Variants in LRCH2 observed in about 807,000 individuals in gnomAD.
LRCH2 encodes the protein leucine-rich repeat and calponin homology domain-containing protein 2.
LRCH2 carries 38 observed loss-of-function variants against 68.9 expected under a neutral mutation model. The ratio of observed to expected loss-of-function variants is 0.55; its 90% CI spans 0.43 to 0.72. The LOEUF is 0.72. Ranked by LOEUF, LRCH2 falls within the 30% of genes least tolerant of loss-of-function variation. The pLI, the probability that LRCH2 is intolerant of heterozygous loss-of-function variation, is 0.00. For synonymous variants in LRCH2, 191 were observed against 208.1 expected, an observed-to-expected ratio of 0.92 and a Z score of 0.71; for missense variants, 528 against 572.9, an observed-to-expected ratio of 0.92 and a Z score of 0.80.
At chrX:115,114,911 A>G (rs1603014343) in intron 20 of LRCH2, among the ~76,000 whole-genome samples, 1 of 110,983 alleles carries the variant, frequency 9.0e-6, no homozygotes, top group East Asian at 2.8e-4. Flanking sequence ...TCTATGAAGT[A>G]GCAATAAAAA....
rs1000843178 is a variant in LRCH2 at position 115,189,944 on chromosome X, C to T, written c.350-1574G>A. The T allele has an allele frequency of 9.8e-5, 113 of 1,158,569 alleles. No individual in the cohort carries two copies. The highest frequency in any genetic ancestry group is 2.0e-4 in the East Asian group (6 of 30,522). On this transcript the variant is annotated intron_variant, in intron 1 of 20. Transcript: ENST00000317135. ...CCACCCCACAAGAGGGCCACGCCGT[C>T]GAGCCTGGCTCACAGCGTTGGCTGT...
chrX:115,156,663 G>C lies in LRCH2; in HGVS notation c.1468C>G (p.Leu490Val). The stretch of plus-strand genomic sequence containing the variant: ...CTCATCACAGAAGTTGAATGATTAA[G>C]AATCCTAGAAGTAAATCAACACATT... Reference protein sequence around the residue: ...LLQQEQKNRILNHSTSVMRNK... With the variant: ...LLQQEQKNRIVNHSTSVMRNK... The change falls in exon 12 of 21, where the codon CTT becomes GTT. Residue 490 changes from leucine (L) to valine (V), a missense_variant. Coordinates refer to ENST00000317135, the MANE Select transcript of LRCH2 (RefSeq NM_020871.4). 8.9e-7 allele frequency: 1 copy of C among 1,117,728 alleles called. No homozygotes were observed. The highest frequency in any genetic ancestry group is 1.2e-6 in the Non-Finnish European group (1 of 841,711). 92.1% of individuals were successfully genotyped at this position (1,117,728 alleles called of 1,213,427 possible).
At chrX:115,230,714 T>A (rs1425228599) in intron 1 of LRCH2, among the ~76,000 whole-genome samples, 1 of 112,054 alleles carries the variant, frequency 8.9e-6, no homozygotes, top group Non-Finnish European at 1.9e-5. Context: ...GAGTATTTAG[T>A]TCCTAGTTTT....
chrX:115,157,602 A>C (rs1210724332), intron 11 of LRCH2, among the ~76,000 whole-genome samples: 1 of 108,321 alleles, frequency 9.2e-6, no homozygotes, highest in Non-Finnish European at 1.9e-5. Flanking sequence ...ATCACACACC[A>C]ATCAGTGTAG....
chrX:115,139,368 T>C (rs113774793), intron 14 of LRCH2, among the ~76,000 whole-genome samples: 6,024 of 112,398 alleles, frequency 0.054, 396 homozygotes, highest in African/African-American at 0.18. Context: ...AGTAATGAGA[T>C]ACATTTGAAG....
chrX:115,215,711 A>G (rs2147357362), intron 1 of LRCH2, among the ~76,000 whole-genome samples: 1 of 104,495 alleles, frequency 9.6e-6, no homozygotes, highest in East Asian at 3.1e-4. Flanking sequence ...TAGTGAGCCA[A>G]GATCGCACCA....
intron 11 of LRCH2, among the ~76,000 whole-genome samples, chrX:115,161,515 G>A (rs1340127867): frequency 2.7e-5 from 3 of 111,863 alleles, no homozygotes; most frequent in African/African-American, 9.7e-5. Context: ...ATAAAGAAGA[G>A]AATTAGAAAA....
chrX:115,129,898 T>A (rs1345392839), intron 15 of LRCH2, among the ~76,000 whole-genome samples: 1 of 111,476 alleles, frequency 9.0e-6, no homozygotes, highest in Non-Finnish European at 1.9e-5. Flanking sequence ...CACACTCACA[T>A]ATGACAGGTC....
At chrX:115,160,803 T>C (rs896655035) in intron 11 of LRCH2, among the ~76,000 whole-genome samples, 1 of 111,674 alleles carries the variant, frequency 9.0e-6, no homozygotes. Context: ...CTGTAGGATA[T>C]ATTCTCATAT....
intron 1 of LRCH2, among the ~76,000 whole-genome samples, chrX:115,220,646 A>G (rs372425654): frequency 9.0e-6 from 1 of 111,469 alleles, no homozygotes; most frequent in Admixed American, 9.5e-5. Context: ...CCTAAACCTA[A>G]TCATGAAATG....
intron 1 of LRCH2, among the ~76,000 whole-genome samples, chrX:115,201,307 C>CATAT (rs782258283): frequency 2.9e-4 from 32 of 111,768 alleles, no homozygotes; most frequent in African/African-American, 9.4e-4. Flanking sequence ...AGAGCCAAAC[C>CATAT]ATATCATACA....
intron 20 of LRCH2, among the ~76,000 whole-genome samples, chrX:115,115,369 A>C (rs1421445135): frequency 9.0e-6 from 1 of 111,194 alleles, no homozygotes; most frequent in African/African-American, 3.3e-5. Flanking sequence ...GGTAAAAAAA[A>C]CTGAGAATCC....
intron 1 of LRCH2, among the ~76,000 whole-genome samples, chrX:115,200,540 T>C (rs1396413611): frequency 9.3e-6 from 1 of 108,108 alleles, no homozygotes; most frequent in African/African-American, 3.4e-5. Flanking sequence ...AGGAAAGAGA[T>C]AAATTCCTGG....
intron 1 of LRCH2, chrX:115,189,762 C>A: frequency 8.6e-7 from 1 of 1,167,369 alleles, no homozygotes; most frequent in South Asian, 1.9e-5. Flanking sequence ...GCTCAAGGTT[C>A]TCACACAGAA....
intron 1 of LRCH2, among the ~76,000 whole-genome samples, chrX:115,205,484 C>G (rs781881908): frequency 8.9e-6 from 1 of 111,952 alleles, no homozygotes; most frequent in South Asian, 3.7e-4. Context: ...TCATCATCAT[C>G]AAGTGTACCA....
At chrX:115,210,412 T>C (rs782788424) in intron 1 of LRCH2, among the ~76,000 whole-genome samples, 1 of 112,277 alleles carries the variant, frequency 8.9e-6, no homozygotes, top group South Asian at 3.7e-4. Context: ...AGCTTCCATG[T>C]GGTGCTGAGC....
At chrX:115,210,078 T>C (rs112072269) in intron 1 of LRCH2, among the ~76,000 whole-genome samples, 155 of 111,841 alleles carry the variant, frequency 1.4e-3, no homozygotes, top group African/African-American at 4.6e-3. Flanking sequence ...GACAATGTGA[T>C]AGAAAAGAAA....
chrX:115,166,365 A>T, intron 6 of LRCH2, 23 bp from the exon 7 acceptor site: 1 of 1,028,562 alleles, frequency 9.7e-7, no homozygotes, highest in Non-Finnish European at 1.3e-6. Flanking sequence ...AAATCCTAAG[A>T]GCAGTTAGGA....
At chrX:115,128,559 T>C (rs2072218079) in intron 15 of LRCH2, among the ~76,000 whole-genome samples, 1 of 112,442 alleles carries the variant, frequency 8.9e-6, no homozygotes, top group African/African-American at 3.2e-5. Context: ...CACCTATTTT[T>C]AGACTGTGGT....
Sources: allele counts gnomAD v4.1 joint callset (sites outside exome capture counted in the v4.1 genomes callset), GRCh38; gene constraint gnomAD v4.1.1; transcripts MANE v1.5; gene names NCBI Gene and HGNC (gene_info 2026-07-23, HGNC 2026-07-21).